Variants in DAB2IP observed in about 807,000 individuals in gnomAD.
The protein encoded by DAB2IP is disabled homolog 2-interacting protein.
Under a neutral mutation model 107.2 loss-of-function variants are expected in DAB2IP, and 28 were observed. The ratio of observed to expected loss-of-function variants is 0.26; its 90% CI spans 0.19 to 0.36. The LOEUF (loss-of-function observed/expected upper bound fraction) is 0.36, where lower values mean the gene tolerates loss of function less well. Among genes scored for constraint, DAB2IP ranks in the 10% least tolerant of loss-of-function variants. DAB2IP has a pLI of 1.00. For missense variants in DAB2IP, 1,400 were observed against 1,644.7 expected, an observed-to-expected ratio of 0.85 and a Z score of 2.57; for synonymous variants, 755 against 706.4, an observed-to-expected ratio of 1.07 and a Z score of -1.09.
intron 3 of DAB2IP, among the ~76,000 whole-genome samples, chr9:121,735,559 A>C (rs1434471669): frequency 6.6e-6 from 1 of 152,228 alleles, no homozygotes; most frequent in East Asian, 1.9e-4. Flanking sequence ...GCTGGGCAGG[A>C]CCTAGGTGGG....
chr9:121,647,877 A>T (rs1000423502), upstream of DAB2IP, among the ~76,000 whole-genome samples: 3 of 150,334 alleles, frequency 2.0e-5, no homozygotes, highest in Non-Finnish European at 4.4e-5. Context: ...TTATATATAT[A>T]TACGGGTATA....
chr9:121,731,943 C>T (rs904422625), intron 3 of DAB2IP, among the ~76,000 whole-genome samples: 4 of 152,116 alleles, frequency 2.6e-5, no homozygotes, highest in Non-Finnish European at 5.9e-5. Context: ...GGGCCCTACT[C>T]TGGTGGGGTG....
chr9:121,762,300 G>A (rs1296912939), intron 6 of DAB2IP, among the ~76,000 whole-genome samples: 1 of 152,210 alleles, frequency 6.6e-6, no homozygotes, highest in Non-Finnish European at 1.5e-5. Context: ...TCTCATCCCA[G>A]CACTGGGGCC....
At chr9:121,743,436 T>G (rs1005753539) in intron 3 of DAB2IP, among the ~76,000 whole-genome samples, 1 of 152,192 alleles carries the variant, frequency 6.6e-6, no homozygotes, top group African/African-American at 2.4e-5. Flanking sequence ...TTTTTTGTTT[T>G]TTTTTTCTTT....
chr9:121,655,035 A>G (rs976278641), intron 1 of DAB2IP, among the ~76,000 whole-genome samples: 12 of 152,162 alleles, frequency 7.9e-5, no homozygotes, highest in African/African-American at 2.7e-4. Context: ...TAGTTTGACC[A>G]ATAAGGGACT....
chr9:121,681,656 C>T (rs1233364184), intron 2 of DAB2IP, among the ~76,000 whole-genome samples: 4 of 152,188 alleles, frequency 2.6e-5, no homozygotes. Context: ...TCACTCAGCT[C>T]CTGAGTCAGG....
chr9:121,742,567 C>T (rs978596542), intron 3 of DAB2IP, among the ~76,000 whole-genome samples: 1 of 152,218 alleles, frequency 6.6e-6, no homozygotes, highest in Non-Finnish European at 1.5e-5. Context: ...TTCCTCTCCC[C>T]ATCCCACTCC....
chr9:121,763,102 A>T (rs1156474246), intron 6 of DAB2IP, among the ~76,000 whole-genome samples: 1 of 152,238 alleles, frequency 6.6e-6, no homozygotes, highest in Admixed American at 6.5e-5. Context: ...GAGACAGGGC[A>T]GCCTCATTTG....
At chr9:121,692,287 G>T (rs545268306) in intron 2 of DAB2IP, among the ~76,000 whole-genome samples, 1 of 152,174 alleles carries the variant, frequency 6.6e-6, no homozygotes. Context: ...GTATTCGTGT[G>T]TGTGCTGATC....
intron 1 of DAB2IP, among the ~76,000 whole-genome samples, chr9:121,573,147 G>A (rs1298398932): frequency 3.9e-5 from 6 of 152,084 alleles, no homozygotes; most frequent in Non-Finnish European, 8.8e-5. Context: ...CGCAATCTCG[G>A]CTCACTCCAA....
Position 121,651,850 on chromosome 9 carries a change from G to T in DAB2IP, c.75G>T (p.Arg25=). The change falls in exon 1 of 16, where the codon CGG becomes CGT. Residue 25 remains arginine (R), a synonymous_variant. Transcript: ENST00000408936. This position sits in a 1 kb window ranked among gnomAD's most constrained non-coding sequence, Gnocchi z 5.1. Reference sequence around the variant, plus strand: ...ACTACCGGCTGCTGAGGCGGCCCCGGCTGCAGCGACAGAGGAGCCGCTCCC... The same window carrying T: ...ACTACCGGCTGCTGAGGCGGCCCCGTCTGCAGCGACAGAGGAGCCGCTCCC... 6.8e-7 allele frequency: 1 copy of T among 1,464,928 alleles called. No individual in the cohort carries two copies. Among genetic ancestry groups the T allele is most frequent in the East Asian group, 2.8e-5 (1 of 35,444 alleles). The allele number at this position is 1,464,928 out of a possible 1,614,324, so 90.7% of individuals were successfully genotyped here. A position where few individuals can be genotyped will look rare whatever the true frequency, so the allele number is the denominator to read the frequency against.
At chr9:121,617,930 G>T (rs1046944521) in intron 1 of DAB2IP, among the ~76,000 whole-genome samples, 1 of 152,204 alleles carries the variant, frequency 6.6e-6, no homozygotes, top group Admixed American at 6.5e-5. Flanking sequence ...CAACTCCATG[G>T]CTGGTTACTT....
rs1034285635 is a variant in DAB2IP, at chr9:121,633,605, T to C, written c.41-45073T>C. On this transcript the variant is annotated intron_variant, in intron 1 of 16. Coordinates refer to the DAB2IP transcript ENST00000259371. The surrounding 1 kb of genome is among the most constrained non-coding windows in gnomAD (Gnocchi z 5.1). ...TCGAGGAGACTCTTTTCATTAGGCTTTTAAGACCTGGCAGGCTCTATCCCC... is the reference window on the plus strand; with the variant it reads ...TCGAGGAGACTCTTTTCATTAGGCTCTTAAGACCTGGCAGGCTCTATCCCC... 7.9e-5 allele frequency among the ~76,000 whole-genome samples: 12 copies of C among 152,194 alleles called. No individual in the cohort carries two copies. Among genetic ancestry groups the C allele is most frequent in the African/African-American group, 2.9e-4 (12 of 41,432 alleles).
At chr9:121,618,136 A>G (rs1325442811) in intron 1 of DAB2IP, among the ~76,000 whole-genome samples, 1 of 152,136 alleles carries the variant, frequency 6.6e-6, no homozygotes, top group Admixed American at 6.5e-5. Flanking sequence ...CTAAAAACCC[A>G]AGGAGGCCCA....
chr9:121,705,719 C>T (rs569201553), intron 3 of DAB2IP, among the ~76,000 whole-genome samples: 6 of 152,316 alleles, frequency 3.9e-5, no homozygotes, highest in Admixed American at 6.5e-5. Flanking sequence ...AACTCTTTGC[C>T]TCCCCTCTCA....
chr9:121,588,272 C>T (rs188549555), intron 1 of DAB2IP, among the ~76,000 whole-genome samples: 91 of 152,176 alleles, frequency 6.0e-4, no homozygotes, highest in Non-Finnish European at 1.1e-3. Flanking sequence ...CAAGAAGAGC[C>T]GGCCTCTCCA....
intron 9 of DAB2IP, among the ~76,000 whole-genome samples, chr9:121,767,004 G>T (rs763051264): frequency 1.3e-5 from 2 of 152,136 alleles, no homozygotes; most frequent in Admixed American, 1.3e-4. Context: ...TTGAATTAAT[G>T]TATTATTATA....
intron 3 of DAB2IP, among the ~76,000 whole-genome samples, chr9:121,731,066 C>G (rs1407113347): frequency 6.6e-6 from 1 of 152,238 alleles, no homozygotes; most frequent in African/African-American, 2.4e-5. Flanking sequence ...CTCTCTAGGT[C>G]CCCTGTTGGT....
intron 1 of DAB2IP, among the ~76,000 whole-genome samples, chr9:121,587,712 AC>A (rs947961839): frequency 2.6e-5 from 4 of 152,034 alleles, no homozygotes; most frequent in Non-Finnish European, 4.4e-5. Context: ...ATGGGGAGCC[AC>A]CAGAGGTGGT....
Sources: gnomAD v4.1 joint callset for allele counts (sites outside exome capture counted in the v4.1 genomes callset) on GRCh38, gnomAD v4.1.1 for gene constraint, Gnocchi (gnomAD v3.1) non-coding constraint, MANE v1.5 for transcripts, NCBI Gene and HGNC (gene_info 2026-07-23, HGNC 2026-07-21) for gene names.